NOTCH2NLA: variants seen among roughly 807,000 people sequenced by gnomAD.
The protein encoded by NOTCH2NLA is notch 2 N-terminal like A.
Position 146,219,575 on chromosome 1 carries a change from T to C in NOTCH2NLA, c.-45+9134A>G, listed in dbSNP as rs587703587. Among the ~76,000 whole-genome samples, 10 of 102,318 alleles carry C rather than the reference T, an allele frequency of 9.8e-5. 1 individual carries two copies. The East Asian group carries it at 2.3e-3, about 24-fold the overall frequency. 67.1% of individuals were successfully genotyped at this position (102,318 alleles called of 152,430 possible). On this transcript the variant is annotated intron_variant, in intron 1 of 4. Transcript: ENST00000362074. ...ACCAGTAAGAAAATAATTAAATGAG[T>C]AAAAGACACAATTTACAAAAGAAGT...
intron 2 of NOTCH2NLA, among the ~76,000 whole-genome samples, chr1:146,174,400 C>T (rs1489056013): frequency 9.4e-5 from 9 of 95,782 alleles, no homozygotes; most frequent in African/African-American, 2.8e-4. Context: ...CTGTCTTTAG[C>T]TTTTTTTTTT....
chr1:146,172,620 T>C (rs1333495065), intron 2 of NOTCH2NLA, among the ~76,000 whole-genome samples: 1 of 151,550 alleles, frequency 6.6e-6, no homozygotes, highest in East Asian at 1.9e-4. Flanking sequence ...CCACCCTTTT[T>C]TCAAAAATCT....
intron 3 of NOTCH2NLA, among the ~76,000 whole-genome samples, chr1:146,159,447 G>GAA (rs1437002440): frequency 1.2e-3 from 163 of 135,850 alleles, no homozygotes; most frequent in South Asian, 1.8e-3. Flanking sequence ...AAGAAAGAAA[G>GAA]AGAAAGAAAG....
intron 2 of NOTCH2NLA, among the ~76,000 whole-genome samples, chr1:146,185,876 T>C (rs9424857): frequency 0.013 from 1,745 of 136,820 alleles, 116 homozygotes; most frequent in African/African-American, 0.041. Context: ...GTTTTAATAT[T>C]TATTTTCTAT....
chr1:146,186,285 G>GTCC (rs1662758746), intron 2 of NOTCH2NLA, among the ~76,000 whole-genome samples: 1 of 133,288 alleles, frequency 7.5e-6, no homozygotes. Context: ...ACCCAGAACT[G>GTCC]TATCCATAAG....
At chr1:146,179,382 AG>A (rs1662424961) in intron 2 of NOTCH2NLA, among the ~76,000 whole-genome samples, 1 of 120,156 alleles carries the variant, frequency 8.3e-6, no homozygotes, top group African/African-American at 2.7e-5. Flanking sequence ...TCCTGTCCCC[AG>A]GTCCTCTCCT....
At chr1:146,153,914 A>T (rs587746590), downstream of NOTCH2NLA, 10 of 139,732 alleles carry the variant, frequency 7.2e-5, no homozygotes, top group African/African-American at 2.5e-4. Context: ...CTATATATTT[A>T]TCCAAAGCTG....
At chr1:146,178,384 CA>C (rs1275835561) in intron 2 of NOTCH2NLA, among the ~76,000 whole-genome samples, 1 of 96,020 alleles carries the variant, frequency 1.0e-5, no homozygotes, top group African/African-American at 3.2e-5. Context: ...GAACTTTATC[CA>C]GATTTCATTT....
chr1:146,171,125 TAGAA>T (rs1290121875), intron 2 of NOTCH2NLA, among the ~76,000 whole-genome samples: 1 of 123,786 alleles, frequency 8.1e-6, no homozygotes, highest in African/African-American at 2.6e-5. Flanking sequence ...ACTCGAAGCT[TAGAA>T]AGATTAAGAT....
At chr1:146,181,029 G>C (rs1158218430) in intron 2 of NOTCH2NLA, among the ~76,000 whole-genome samples, 1 of 60,322 alleles carries the variant, frequency 1.7e-5, no homozygotes, top group African/African-American at 5.0e-5. Flanking sequence ...AGACATGCCT[G>C]AATAAGAAAC....
intron 1 of NOTCH2NLA, among the ~76,000 whole-genome samples, chr1:146,207,815 CTTTT>C (rs74543040): frequency 2.8e-5 from 2 of 72,220 alleles, no homozygotes; most frequent in African/African-American, 5.6e-5. Context: ...ATACCACTTT[CTTTT>C]TTTTTTTTTT....
chr1:146,200,439 ATAT>A (rs1444163117), intron 1 of NOTCH2NLA, among the ~76,000 whole-genome samples: 1 of 19,354 alleles, frequency 5.2e-5, no homozygotes, highest in Admixed American at 6.6e-4. Flanking sequence ...AAAAAAAAAA[ATAT>A]ATATATATAT....
intron 3 of NOTCH2NLA, among the ~76,000 whole-genome samples, chr1:146,158,615 GC>G (rs1661287596): frequency 6.6e-6 from 1 of 151,304 alleles, no homozygotes; most frequent in Non-Finnish European, 1.5e-5. Flanking sequence ...GAATAGTGCC[GC>G]AATAAACATA....
chr1:146,159,387 AAGAGAG>A (rs1189170436), intron 3 of NOTCH2NLA, among the ~76,000 whole-genome samples: 8 of 116,216 alleles, frequency 6.9e-5, no homozygotes, highest in African/African-American at 2.2e-4. Context: ...GGAAGAGAGA[AAGAGAG>A]AGAAAGAAAG....
chr1:146,186,506 C>T lies in NOTCH2NLA; in HGVS notation c.38+2794G>A, dbSNP rs1553810243. Among the ~76,000 whole-genome samples, 3 of 143,640 alleles carry T rather than the reference C, an allele frequency of 2.1e-5. No homozygotes were observed. The East Asian group carries it at 5.9e-4, about 28-fold the overall frequency. 94.2% of individuals were successfully genotyped at this position (143,640 alleles called of 152,430 possible). On this transcript the variant is annotated intron_variant, in intron 2 of 4. Coordinates refer to ENST00000362074, the Ensembl canonical transcript of NOTCH2NLA. Reference sequence around the variant, plus strand: ...AGTAACTGGGATTACAGGTGCGTGCCACCACGCCCAGCTAATTTTTTGCAT... The same window carrying T: ...AGTAACTGGGATTACAGGTGCGTGCTACCACGCCCAGCTAATTTTTTGCAT...
At chr1:146,154,028 C>G (rs1427518870), downstream of NOTCH2NLA, 5 of 116,360 alleles carry the variant, frequency 4.3e-5, no homozygotes, top group African/African-American at 1.7e-4. Flanking sequence ...CACACACACA[C>G]ACACACACAC....
intron 2 of NOTCH2NLA, among the ~76,000 whole-genome samples, chr1:146,182,401 T>C (rs1468269972): frequency 7.2e-6 from 1 of 138,388 alleles, no homozygotes; most frequent in Non-Finnish European, 1.7e-5. Flanking sequence ...AGTCTCTCTC[T>C]CACATGAGGA....
At chr1:146,177,492 AT>A (rs1395408397) in intron 2 of NOTCH2NLA, among the ~76,000 whole-genome samples, 1 of 12,730 alleles carries the variant, frequency 7.9e-5, no homozygotes, top group Non-Finnish European at 2.3e-4. Flanking sequence ...AGTCCAAAAA[AT>A]ATCTAAAAGC....
rs1208118825 is a variant in NOTCH2NLA at position 146,187,852 on chromosome 1, T to C, written c.38+1448A>G. ...GAGGAGAATGCACCACATTTTTTTT[T>C]CCCCCAGCTAGAAAAACTAAATGAG... On this transcript the variant is annotated intron_variant, in intron 2 of 4. Transcript: ENST00000362074. Among the ~76,000 whole-genome samples, 1,084 of 136,226 alleles carry C rather than the reference T, an allele frequency of 8.0e-3. 90 individuals carry two copies. The highest frequency in any genetic ancestry group is 0.011 in the Non-Finnish European group (665 of 58,782). 89.4% of individuals were successfully genotyped at this position (136,226 alleles called of 152,430 possible).
Sources: allele counts gnomAD v4.1 joint callset (sites outside exome capture counted in the v4.1 genomes callset), GRCh38; gene constraint gnomAD v4.1.1; transcripts MANE v1.5; gene names NCBI Gene and HGNC (gene_info 2026-07-23, HGNC 2026-07-21).